Variants in ME1 observed in about 807,000 individuals in gnomAD.
ME1 encodes malic enzyme 1.
In ME1, 74 loss-of-function variants were observed where a neutral mutation model predicts 66.4. The ratio of observed to expected loss-of-function variants is 1.11; its 90% CI spans 0.92 to 1.35. The LOEUF (loss-of-function observed/expected upper bound fraction) is 1.35, where lower values mean the gene tolerates loss of function less well. ME1 is among the 40% of genes most tolerant of loss of function. The pLI, the probability that ME1 is intolerant of heterozygous loss-of-function variation, is 0.00. For missense variants in ME1, 750 were observed against 694.1 expected, an observed-to-expected ratio of 1.08 and a Z score of -0.90; for synonymous variants, 251 against 235.6, an observed-to-expected ratio of 1.07 and a Z score of -0.60.
chr6:83,277,907 T>TATTAATAAC (rs1767217313), intron 6 of ME1, among the ~76,000 whole-genome samples: 1 of 149,534 alleles, frequency 6.7e-6, no homozygotes, highest in African/African-American at 2.5e-5. Flanking sequence ...CTCAAAATAA[T>TATTAATAAC]AATAATAATA....
At chr6:83,242,644 C>T (rs1230324548) in intron 7 of ME1, among the ~76,000 whole-genome samples, 1 of 152,062 alleles carries the variant, frequency 6.6e-6, no homozygotes, top group East Asian at 1.9e-4. Context: ...AAGTTGAACA[C>T]ACAATTAGTA....
intron 6 of ME1, among the ~76,000 whole-genome samples, chr6:83,260,730 GGGAT>G (rs1229635222): frequency 1.3e-5 from 2 of 152,130 alleles, no homozygotes; most frequent in African/African-American, 4.8e-5. Context: ...TAGTTTGCTA[GGGAT>G]AATGGCCTCC....
chr6:83,228,916 T>C lies in ME1; in HGVS notation c.1042A>G (p.Thr348Ala). Residue 348 changes from threonine (T) to alanine (A), a missense_variant, in exon 10 of 14, where the codon ACA (threonine) becomes GCA (alanine). Thr to Ala is a moderately conservative substitution (Grantham distance 58). Transcript: ENST00000369705. The stretch of plus-strand genomic sequence containing the variant: ...TGGGCAAACTTCTCTTTCTCTTGTG[T>C]TAAGGAAGCACGTCCCTAAGTAAAG... ...GLIVKGRASL[T>A]QEKEKFAHEH... 5 of 1,611,182 alleles carry C rather than the reference T, an allele frequency of 3.1e-6. No homozygotes were observed. The Middle Eastern group carries it at 5.0e-4, about 160-fold the overall frequency.
chr6:83,331,052 G>C (rs1768398207), intron 5 of ME1, among the ~76,000 whole-genome samples: 1 of 152,104 alleles, frequency 6.6e-6, no homozygotes, highest in Non-Finnish European at 1.5e-5. Context: ...CTGAGACCTG[G>C]AGCAATGGTT....
chr6:83,226,729 G>A (rs1426784102), intron 11 of ME1, among the ~76,000 whole-genome samples: 2 of 152,084 alleles, frequency 1.3e-5, no homozygotes, highest in African/African-American at 4.8e-5. Flanking sequence ...AGATAGATAT[G>A]ACTCAACCTC....
chr6:83,344,140 G>C (rs917162747), intron 5 of ME1, among the ~76,000 whole-genome samples: 1 of 150,614 alleles, frequency 6.6e-6, no homozygotes. Context: ...AAAAAAATTA[G>C]ATTGGTGTGG....
chr6:83,254,992 C>T (rs953033537), intron 6 of ME1, among the ~76,000 whole-genome samples: 1 of 152,092 alleles, frequency 6.6e-6, no homozygotes, highest in Admixed American at 6.6e-5. Context: ...CCTGATATCA[C>T]AAAGCAGATG....
chr6:83,426,500 C>T (rs1237609807), intron 1 of ME1, among the ~76,000 whole-genome samples: 5 of 152,194 alleles, frequency 3.3e-5, no homozygotes, highest in Non-Finnish European at 5.9e-5. Flanking sequence ...GTTGCAGAGG[C>T]AACTCTAGAG....
intron 12 of ME1, among the ~76,000 whole-genome samples, chr6:83,219,226 G>A (rs1432309572): frequency 6.6e-6 from 1 of 152,164 alleles, no homozygotes; most frequent in African/African-American, 2.4e-5. Flanking sequence ...AGGAGATGTG[G>A]CAGATTTAAA....
chr6:83,316,288 C>T (rs1583375886), intron 5 of ME1, among the ~76,000 whole-genome samples: 1 of 152,118 alleles, frequency 6.6e-6, no homozygotes, highest in East Asian at 1.9e-4. Flanking sequence ...GAATGTTGCC[C>T]TGTGTAAATT....
At chr6:83,341,082 C>T (rs1489478208) in intron 5 of ME1, among the ~76,000 whole-genome samples, 4 of 151,992 alleles carry the variant, frequency 2.6e-5, no homozygotes, top group Admixed American at 6.6e-5. Context: ...AGGGCATCTG[C>T]GTCATACAGT....
chr6:83,320,392 A>G (rs1165971426), intron 5 of ME1, among the ~76,000 whole-genome samples: 1 of 152,222 alleles, frequency 6.6e-6, no homozygotes, highest in Non-Finnish European at 1.5e-5. Flanking sequence ...GGTTTGGCCA[A>G]TATATCTTAC....
At position 83,247,448 on chromosome 6, in the gene ME1, ATAAC is replaced by A. The variant is rs1297721682; in HGVS notation, c.814+6177_814+6180del. 5.3e-5 allele frequency among the ~76,000 whole-genome samples: 8 copies of A among 152,244 alleles called. No individual in the cohort carries two copies. In the East Asian group the frequency reaches 1.3e-3, roughly 26 times the overall value. On this transcript the variant is annotated intron_variant, in intron 7 of 13. Transcript: ENST00000369705. The stretch of plus-strand genomic sequence containing the variant: ...TCTATATTATTTAAGGTTATTTTAG[ATAAC>A]TAACAGTAGAATTCTAAGTATATAC...
chr6:83,256,273 A>G (rs896952404), intron 6 of ME1, among the ~76,000 whole-genome samples: 5 of 152,324 alleles, frequency 3.3e-5, no homozygotes, highest in Middle Eastern at 6.8e-3. Context: ...TGAGTACTCT[A>G]TAGCCACTTA....
At chr6:83,341,909 T>G (rs540236273) in intron 5 of ME1, among the ~76,000 whole-genome samples, 3 of 152,262 alleles carry the variant, frequency 2.0e-5, no homozygotes, top group East Asian at 3.9e-4. Context: ...GGAGTGTAAC[T>G]TTGTAACTTC....
At chr6:83,374,251 T>A (rs994278705) in intron 3 of ME1, among the ~76,000 whole-genome samples, 1 of 152,202 alleles carries the variant, frequency 6.6e-6, no homozygotes, top group Admixed American at 6.5e-5. Context: ...CTCCACAGCC[T>A]CACCAGCATC....
chr6:83,398,221 CAT>C (rs1409916962), intron 3 of ME1, 144 bp downstream of exon 3: 5 of 540,588 alleles, frequency 9.2e-6, no homozygotes, highest in East Asian at 7.0e-5. Flanking sequence ...ACAATGTATA[CAT>C]GTTTCAGAAC....
At chr6:83,221,892 G>C (rs142073807) in intron 12 of ME1, among the ~76,000 whole-genome samples, 6 of 152,254 alleles carry the variant, frequency 3.9e-5, no homozygotes, top group African/African-American at 1.4e-4. Context: ...TTGTGTTGAA[G>C]CCTAAGAGAA....
At chr6:83,239,168 G>C (rs1198493993) in intron 8 of ME1, among the ~76,000 whole-genome samples, 1 of 151,848 alleles carries the variant, frequency 6.6e-6, no homozygotes, top group Non-Finnish European at 1.5e-5. Flanking sequence ...TTAAAAACTT[G>C]TTTTTGTAAC....
Sources: gnomAD v4.1 joint callset for allele counts (sites outside exome capture counted in the v4.1 genomes callset) on GRCh38, gnomAD v4.1.1 for gene constraint, MANE v1.5 for transcripts, NCBI Gene and HGNC (gene_info 2026-07-23, HGNC 2026-07-21) for gene names.